PTPRN2: variants seen among roughly 807,000 people sequenced by gnomAD.
PTPRN2 encodes the protein receptor-type tyrosine-protein phosphatase N2.
PTPRN2 carries 74 observed loss-of-function variants against 118.8 expected under a neutral mutation model. That is an observed-to-expected ratio of 0.62 (90% CI 0.52 to 0.76). The LOEUF (loss-of-function observed/expected upper bound fraction) is 0.76, where lower values mean the gene tolerates loss of function less well. Among genes scored for constraint, PTPRN2 ranks in the 30% least tolerant of loss-of-function variants. PTPRN2 has a pLI of 0.00. For missense variants in PTPRN2, 1,481 were observed against 1,394.4 expected (o/e 1.06, Z -0.99); for synonymous variants, 641 against 608.0 (o/e 1.05, Z -0.80).
chr7:158,372,651 T>C (rs183347116), intron 2 of PTPRN2, among the ~76,000 whole-genome samples: 1 of 148,460 alleles, frequency 6.7e-6, no homozygotes, highest in South Asian at 2.3e-4. Flanking sequence ...CCACGCTGGT[T>C]CCCGGAGCTG....
intron 1 of PTPRN2, among the ~76,000 whole-genome samples, chr7:158,560,395 A>C (rs964848436): frequency 1.1e-4 from 16 of 152,284 alleles, no homozygotes; most frequent in African/African-American, 3.9e-4. Context: ...GTGCACGAAC[A>C]CTTAGAGTAA....
At chr7:157,776,360 C>T (rs1365660459) in intron 12 of PTPRN2, among the ~76,000 whole-genome samples, 1 of 120,614 alleles carries the variant, frequency 8.3e-6, no homozygotes, top group African/African-American at 3.2e-5. Context: ...TCCTCTTCCT[C>T]CCTCCTCTCT....
chr7:158,344,157 G>A (rs1032061217), intron 2 of PTPRN2, among the ~76,000 whole-genome samples: 8 of 152,122 alleles, frequency 5.3e-5, no homozygotes, highest in African/African-American at 1.9e-4. Context: ...GTGACAACGA[G>A]CAGCAAAGCG....
rs1389975244 is a variant in PTPRN2 at position 157,909,505 on chromosome 7, G to T, written c.1724-10768C>A. Among the ~76,000 whole-genome samples the T allele has an allele frequency of 3.9e-5, 6 of 152,274 alleles. No individual in the cohort carries two copies. In the East Asian group the frequency reaches 1.2e-3, roughly 29 times the overall value. ...CAGGCCACAGACACAAGGCCCTTCA[G>T]AACCTGGCCCTTGGCTGCTGCCCTG... is the stretch of plus-strand genomic sequence containing the variant. On this transcript the variant is annotated intron_variant, in intron 11 of 22. Coordinates refer to ENST00000389418, the MANE Select transcript of PTPRN2 (RefSeq NM_002847.5).
In PTPRN2 at chr7:157,559,282, C is replaced by T. The variant is rs1799060668; in HGVS notation, c.2902+9620G>A. Among the ~76,000 whole-genome samples, 2 of 152,186 alleles carry T rather than the reference C, an allele frequency of 1.3e-5. 1 individual carries two copies. Among genetic ancestry groups the T allele is most frequent in the Admixed American group, 1.3e-4 (2 of 15,272 alleles). On this transcript the variant is annotated intron_variant, in intron 21 of 22. Coordinates refer to ENST00000389418, the MANE Select transcript of PTPRN2 (RefSeq NM_002847.5). ...GACCTGCTGCCTCTGGGGACAGCCCCTCAGGGTCTGGACGGAGGATGTTGG... is the reference window on the plus strand; with the variant it reads ...GACCTGCTGCCTCTGGGGACAGCCCTTCAGGGTCTGGACGGAGGATGTTGG...
intron 13 of PTPRN2, among the ~76,000 whole-genome samples, chr7:157,681,137 C>T (rs1008812826): frequency 2.0e-5 from 3 of 151,940 alleles, no homozygotes; most frequent in African/African-American, 7.3e-5. Context: ...GCATGCAAGT[C>T]CAACCTTTCC....
rs546075064 is a variant in PTPRN2 at position 157,779,654 on chromosome 7, A to T, written c.1789-96717T>A. Among the ~76,000 whole-genome samples, 2 of 152,158 alleles carry T rather than the reference A, an allele frequency of 1.3e-5. No individual in the cohort carries two copies. Among genetic ancestry groups the T allele is most frequent in the Non-Finnish European group, 2.9e-5 (2 of 68,028 alleles). On this transcript the variant is annotated intron_variant, in intron 12 of 22. Coordinates refer to ENST00000389418, the MANE Select transcript of PTPRN2 (RefSeq NM_002847.5). The surrounding 1 kb of genome is among the most constrained non-coding windows in gnomAD (Gnocchi z 4.7). ...TCTCCGAAGCACAAAGGCTGACCCT[A>T]GACTCTGGCCAGGACGAGCTGGGGT...
intron 1 of PTPRN2, among the ~76,000 whole-genome samples, chr7:158,553,826 G>C (rs559661819): frequency 1.3e-5 from 2 of 149,762 alleles, no homozygotes; most frequent in African/African-American, 4.9e-5. Context: ...ACATTGCATC[G>C]GGGGGGCTCT....
intron 9 of PTPRN2, among the ~76,000 whole-genome samples, chr7:158,122,826 G>A (rs1035390558): frequency 4.0e-5 from 6 of 151,608 alleles, no homozygotes; most frequent in South Asian, 4.2e-4. Context: ...GGGTGAGCCC[G>A]GGGACCTGTT....
intron 2 of PTPRN2, among the ~76,000 whole-genome samples, chr7:158,383,090 T>C (rs772791586): frequency 1.3e-4 from 20 of 152,282 alleles, no homozygotes; most frequent in Middle Eastern, 6.8e-3. Context: ...CATGACATGA[T>C]GCCTGGAGAA....
At chr7:158,418,945 T>C (rs1024875193) in intron 2 of PTPRN2, among the ~76,000 whole-genome samples, 1 of 152,254 alleles carries the variant, frequency 6.6e-6, no homozygotes, top group African/African-American at 2.4e-5. Flanking sequence ...CACACTTAGA[T>C]TATAAGAGTT....
At chr7:158,061,072 C>T (rs1214994146) in intron 11 of PTPRN2, among the ~76,000 whole-genome samples, 1 of 152,246 alleles carries the variant, frequency 6.6e-6, no homozygotes, top group Non-Finnish European at 1.5e-5. Flanking sequence ...AGTGTTTTCC[C>T]CAACCCTGAG....
intron 12 of PTPRN2, among the ~76,000 whole-genome samples, chr7:157,887,499 G>A (rs1275745575): frequency 6.6e-4 from 5 of 7,630 alleles, no homozygotes; most frequent in Admixed American, 3.8e-3. Context: ...GTACCCACTC[G>A]TCAGTACCCA....
intron 3 of PTPRN2, among the ~76,000 whole-genome samples, chr7:158,242,107 G>T (rs189864563): frequency 6.6e-6 from 1 of 152,298 alleles, no homozygotes; most frequent in Middle Eastern, 3.4e-3. Flanking sequence ...CCATGCTAGT[G>T]GCTCCTAGCA....
intron 3 of PTPRN2, among the ~76,000 whole-genome samples, chr7:158,211,405 T>C (rs938925452): frequency 1.3e-5 from 2 of 151,766 alleles, no homozygotes; most frequent in African/African-American, 4.8e-5. Context: ...AAGGAAACAA[T>C]CAACAAAGTG....
intron 21 of PTPRN2, among the ~76,000 whole-genome samples, chr7:157,549,461 A>G (rs908802948): frequency 4.6e-5 from 7 of 152,066 alleles, no homozygotes; most frequent in African/African-American, 1.7e-4. Flanking sequence ...AATGGACTCA[A>G]CCTTAATATT....
At chr7:157,578,948 T>C (rs990872571) in intron 17 of PTPRN2, among the ~76,000 whole-genome samples, 31 of 152,248 alleles carry the variant, frequency 2.0e-4, no homozygotes, top group Non-Finnish European at 1.5e-4. Context: ...TTTTCTGCAA[T>C]GGGTTACATT....
At chr7:158,337,644 C>G (rs764253119) in intron 2 of PTPRN2, among the ~76,000 whole-genome samples, 1 of 149,396 alleles carries the variant, frequency 6.7e-6, no homozygotes, top group Non-Finnish European at 1.5e-5. Context: ...GTCATTCACA[C>G]CCACACTCTC....
At chr7:157,649,088 T>C (rs1805406688) in intron 14 of PTPRN2, among the ~76,000 whole-genome samples, 5 of 115,260 alleles carry the variant, frequency 4.3e-5, no homozygotes, top group African/African-American at 9.5e-5. Context: ...ACCCATTCAC[T>C]GTGCACTGAA....
Sources: allele counts gnomAD v4.1 joint callset (sites outside exome capture counted in the v4.1 genomes callset), GRCh38; gene constraint gnomAD v4.1.1; non-coding constraint Gnocchi (gnomAD v3.1); transcripts MANE v1.5; gene names NCBI Gene and HGNC (gene_info 2026-07-23, HGNC 2026-07-21).